Variants in VAMP7 observed in about 807,000 individuals in gnomAD.
The protein encoded by VAMP7 is vesicle-associated membrane protein 7.
A neutral mutation model predicts 29.6 loss-of-function variants in VAMP7; 14 were observed. That is an observed-to-expected ratio of 0.47 (90% CI 0.31 to 0.74). The LOEUF is 0.74. Ranked by LOEUF, VAMP7 falls within the 30% of genes least tolerant of loss-of-function variation. The pLI is 0.05. For synonymous variants in VAMP7, 95 were observed against 88.1 expected (o/e 1.08, Z -0.44); for missense variants, 223 against 262.4 (o/e 0.85, Z 1.04).
rs1170264301 is a variant in VAMP7, at chrX:155,943,247, T to C, written c.*1296T>C. On this transcript the variant is annotated 3_prime_UTR_variant, in exon 8 of 8. Coordinates refer to ENST00000286448, the MANE Select transcript of VAMP7 (RefSeq NM_005638.6). ...TGAAATTATATTACATTTTACACTT[T>C]CTCAATGAATGAACAAATTAGTCTG... 5 of 151,720 alleles carry C rather than the reference T, an allele frequency of 3.3e-5. No individual in the cohort carries two copies. The highest frequency in any genetic ancestry group is 7.4e-5 in the Non-Finnish European group (5 of 67,868). 9.4% of individuals were successfully genotyped at this position (151,720 alleles called of 1,614,324 possible). A position where few individuals can be genotyped will look rare whatever the true frequency, so the allele number is the denominator to read the frequency against.
intron 5 of VAMP7, among the ~76,000 whole-genome samples, chrX:155,903,330 G>A (rs1335779750): frequency 1.3e-5 from 2 of 152,028 alleles, no homozygotes; most frequent in Admixed American, 1.3e-4. Context: ...AAAAGCAATG[G>A]CAACAAAAGC....
intron 5 of VAMP7, among the ~76,000 whole-genome samples, chrX:155,903,882 G>C (rs1454122505): frequency 6.6e-6 from 1 of 152,074 alleles, no homozygotes. Flanking sequence ...TATAAATCAT[G>C]CCGCTATAAA....
intron 5 of VAMP7, among the ~76,000 whole-genome samples, chrX:155,914,190 G>A (rs2066278513): frequency 6.6e-6 from 1 of 152,136 alleles, no homozygotes; most frequent in Non-Finnish European, 1.5e-5. Flanking sequence ...AGGAATGCTT[G>A]TGATTTTTGC....
At chrX:155,900,774 A>G (rs767838976) in intron 5 of VAMP7, among the ~76,000 whole-genome samples, 187 bp downstream of exon 5, 7 of 152,234 alleles carry the variant, frequency 4.6e-5, no homozygotes, top group African/African-American at 7.2e-5. Context: ...CCTTGCAACT[A>G]TTCTTCATTC....
chrX:155,894,515 G>A (rs1296822695), intron 2 of VAMP7, among the ~76,000 whole-genome samples: 1 of 151,892 alleles, frequency 6.6e-6, no homozygotes, highest in Non-Finnish European at 1.5e-5. Flanking sequence ...CTCTAGTCAT[G>A]TGAGCCAATT....
chrX:155,906,530 A>C (rs2066149853), intron 5 of VAMP7, among the ~76,000 whole-genome samples: 1 of 152,182 alleles, frequency 6.6e-6, no homozygotes, highest in Non-Finnish European at 1.5e-5. Context: ...CTTTAACAAT[A>C]TCTCTTCTAA....
At chrX:155,889,311 C>T in intron 1 of VAMP7, 147 bp from the exon 2 acceptor site, 2 of 1,165,216 alleles carry the variant, frequency 1.7e-6, no homozygotes, top group Non-Finnish European at 2.4e-6. Flanking sequence ...CTTTTTAAGC[C>T]TGCTCTTAAG....
intron 3 of VAMP7, among the ~76,000 whole-genome samples, chrX:155,896,516 A>G (rs2065989290): frequency 6.6e-6 from 1 of 152,150 alleles, no homozygotes; most frequent in Admixed American, 6.5e-5. Flanking sequence ...TAACTTAATG[A>G]TGTCATTAAG....
At chrX:155,920,227 C>T (rs1308000508) in intron 6 of VAMP7, among the ~76,000 whole-genome samples, 3 of 152,052 alleles carry the variant, frequency 2.0e-5, no homozygotes, top group Admixed American at 1.3e-4. Context: ...ATGTGCAAGC[C>T]GTTTGTGACC....
intron 6 of VAMP7, among the ~76,000 whole-genome samples, chrX:155,938,990 G>A (rs751720455): frequency 1.3e-5 from 2 of 152,280 alleles, no homozygotes; most frequent in Admixed American, 1.3e-4. Context: ...GCATTGCACA[G>A]TTGATGGGCA....
chrX:155,926,169 G>A (rs920308316), intron 6 of VAMP7, among the ~76,000 whole-genome samples: 1 of 152,140 alleles, frequency 6.6e-6, no homozygotes, highest in African/African-American at 2.4e-5. Context: ...GTCATCAGCT[G>A]CATTGGTCCC....
chrX:155,916,310 A>G (rs1321440425), intron 5 of VAMP7, among the ~76,000 whole-genome samples: 4 of 151,930 alleles, frequency 2.6e-5, no homozygotes, highest in African/African-American at 7.3e-5. Flanking sequence ...TCTTTATTCA[A>G]TTTGCCAGTC....
chrX:155,900,736 C>A, intron 5 of VAMP7, 149 bp downstream of exon 5: 2 of 665,198 alleles, frequency 3.0e-6, no homozygotes, highest in Non-Finnish European at 5.2e-6. Flanking sequence ...GTGATACTGT[C>A]TGCTTGTGCA....
At chrX:155,907,481 G>GCATGACAGCTTGA (rs2066163329) in intron 5 of VAMP7, among the ~76,000 whole-genome samples, 2 of 148,938 alleles carry the variant, frequency 1.3e-5, no homozygotes, top group South Asian at 4.4e-4. Context: ...GACTCTTAAC[G>GCATGACAGCTTGA]AGCATGCTGC....
At chrX:155,935,532 C>A (rs1267814742) in intron 6 of VAMP7, among the ~76,000 whole-genome samples, 14 of 152,126 alleles carry the variant, frequency 9.2e-5, no homozygotes, top group Admixed American at 9.2e-4. Flanking sequence ...AGTTCTCGTG[C>A]CATGGTTTTC....
At chrX:155,897,941 G>C (rs2066008099) in intron 3 of VAMP7, among the ~76,000 whole-genome samples, 171 bp from the exon 4 acceptor site, 1 of 152,112 alleles carries the variant, frequency 6.6e-6, no homozygotes, top group African/African-American at 2.4e-5. Context: ...GGACAAGTTA[G>C]TTACTTTTTC....
chrX:155,928,579 C>G (rs767312688), intron 6 of VAMP7, among the ~76,000 whole-genome samples: 1 of 152,244 alleles, frequency 6.6e-6, no homozygotes, highest in East Asian at 1.9e-4. Context: ...CCTCCATCTA[C>G]TTTCCTCCTA....
rs141889109 is a variant in VAMP7, at chrX:155,939,785, G to T, written c.586G>T (p.Val196Leu). 1.5e-5 allele frequency: 24 copies of T among 1,612,218 alleles called. No individual in the cohort carries two copies. In the South Asian group the frequency reaches 2.6e-4, roughly 18 times the overall value. The change falls in exon 7 of 8, where the codon GTA becomes TTA. Residue 196 changes from valine (V) to leucine (L), a missense_variant. Physicochemically the swap from Val to Leu is conservative, Grantham distance 32. Transcript: ENST00000286448. ...NLKLTIIIII[V>L]SIVFIYIIVS... ...CAAGCTCACTATTATCATCATCATC[G>T]TATCAATTGTAAGTTTTTGTCCTTT... is the stretch of plus-strand genomic sequence containing the variant.
At chrX:155,921,022 A>G (rs1202239607) in intron 6 of VAMP7, among the ~76,000 whole-genome samples, 2 of 152,168 alleles carry the variant, frequency 1.3e-5, no homozygotes, top group East Asian at 3.9e-4. Flanking sequence ...GAGCAAAGAA[A>G]ACAGAGAAGT....
Sources: allele counts gnomAD v4.1 joint callset (sites outside exome capture counted in the v4.1 genomes callset), GRCh38; gene constraint gnomAD v4.1.1; transcripts MANE v1.5; gene names NCBI Gene and HGNC (gene_info 2026-07-23, HGNC 2026-07-21).